Variants in ZBTB46 observed in about 807,000 individuals in gnomAD.
ZBTB46 encodes the protein zinc finger and BTB domain-containing protein 46.
Under a neutral mutation model 44.1 loss-of-function variants are expected in ZBTB46, and 8 were observed. That is an observed-to-expected ratio of 0.18 (90% confidence interval 0.11 to 0.33). The LOEUF is 0.33. Ranked by LOEUF, ZBTB46 falls within the 10% of genes least tolerant of loss-of-function variation. ZBTB46 has a pLI of 1.00. For missense variants in ZBTB46, 651 were observed against 847.7 expected, an observed-to-expected ratio of 0.77 and a Z score of 2.88; for synonymous variants, 409 against 382.3, an observed-to-expected ratio of 1.07 and a Z score of -0.81.
chr20:63,748,895 C>T (rs2092131385), intron 4 of ZBTB46, among the ~76,000 whole-genome samples: 1 of 152,250 alleles, frequency 6.6e-6, no homozygotes, highest in South Asian at 2.1e-4. Flanking sequence ...GAAGACGGTC[C>T]TGCTACACTT....
At chr20:63,762,297 C>T (rs1050789620) in intron 3 of ZBTB46, among the ~76,000 whole-genome samples, 1 of 152,112 alleles carries the variant, frequency 6.6e-6, no homozygotes, top group African/African-American at 2.4e-5. Flanking sequence ...TTTAAAACCC[C>T]CAATTGTAAT....
chr20:63,746,764 CCTGCTTAGCCCGCAGGG>C lies in ZBTB46; in HGVS notation c.*149_*165del. ...GAGCACCCCTCTTGCTGGGGTCGCA[CCTGCTTAGCCCGCAGGG>C]CTGGTTTCCGTGGGGGGTGGGTTCA... On this transcript the variant is annotated 3_prime_UTR_variant, in exon 5 of 5. Coordinates refer to ENST00000245663, the MANE Select transcript of ZBTB46 (RefSeq NM_001369741.1). The C allele has an allele frequency of 8.7e-7, 1 of 1,154,006 alleles. No individual in the cohort carries two copies. Among genetic ancestry groups the C allele is most frequent in the Non-Finnish European group, 1.2e-6 (1 of 862,428 alleles). The allele number at this position is 1,154,006 out of a possible 1,614,324, so 71.5% of individuals were successfully genotyped here.
At chr20:63,797,488 C>T (rs1020403125) in intron 1 of ZBTB46, among the ~76,000 whole-genome samples, 1 of 152,088 alleles carries the variant, frequency 6.6e-6, no homozygotes, top group Non-Finnish European at 1.5e-5. Flanking sequence ...TTTATAGCAA[C>T]ATGATTTATA....
At chr20:63,770,951 C>G (rs867172195) in intron 3 of ZBTB46, among the ~76,000 whole-genome samples, 1 of 80,410 alleles carries the variant, frequency 1.2e-5, no homozygotes, top group Non-Finnish European at 2.6e-5. Context: ...CGCAAGTCAG[C>G]ACCGGCCACG....
chr20:63,817,092 C>T (rs978222387), intron 1 of ZBTB46, among the ~76,000 whole-genome samples: 12 of 148,892 alleles, frequency 8.1e-5, no homozygotes, highest in Non-Finnish European at 1.5e-4. Flanking sequence ...GCAACAAGAG[C>T]GAAACTCAGT....
chr20:63,766,670 G>A (rs1412844691), intron 3 of ZBTB46, among the ~76,000 whole-genome samples: 2 of 152,210 alleles, frequency 1.3e-5, no homozygotes, highest in African/African-American at 2.4e-5. Flanking sequence ...GATGCCAGCA[G>A]AGCGCGGTCA....
chr20:63,775,580 G>T (rs1288720726), intron 3 of ZBTB46, 98 bp downstream of exon 3: 2 of 1,457,524 alleles, frequency 1.4e-6, no homozygotes, highest in South Asian at 1.4e-5. Flanking sequence ...GAGCAGCAGG[G>T]ACAGACCCTC....
chr20:63,755,102 C>A (rs1311794052), intron 3 of ZBTB46, among the ~76,000 whole-genome samples: 2 of 152,240 alleles, frequency 1.3e-5, no homozygotes, highest in South Asian at 2.1e-4. Flanking sequence ...GCGTTAATAA[C>A]CCCGTGAGAA....
At chr20:63,833,223 A>G (rs1382450078), upstream of ZBTB46, among the ~76,000 whole-genome samples, 3 of 152,298 alleles carry the variant, frequency 2.0e-5, no homozygotes, top group Non-Finnish European at 2.9e-5. Context: ...AGGCCTGCCC[A>G]TAAGAACCAA....
At position 63,746,922 on chromosome 20, in the gene ZBTB46, G is replaced by A. The variant is rs199905755; in HGVS notation, c.*8C>T. The A allele has an allele frequency of 3.3e-5, 50 of 1,517,992 alleles. No individual in the cohort carries two copies. The highest frequency in any genetic ancestry group is 3.8e-5 in the South Asian group (3 of 78,886). 94.0% of individuals were successfully genotyped at this position (1,517,992 alleles called of 1,614,324 possible). On this transcript the variant is annotated 3_prime_UTR_variant, in exon 5 of 5. Transcript: ENST00000245663. ...CGAGGCAGCCACCGACCCTGCCGGC[G>A]GGCGGGCCTAGGAGAGCCAGGCGAA...
chr20:63,774,216 A>G (rs2092401506), intron 3 of ZBTB46, among the ~76,000 whole-genome samples: 1 of 152,084 alleles, frequency 6.6e-6, no homozygotes, highest in African/African-American at 2.4e-5. Flanking sequence ...CACTGAGTAC[A>G]CGGAATAAAG....
intron 1 of ZBTB46, among the ~76,000 whole-genome samples, chr20:63,827,903 T>C (rs1568914169): frequency 6.6e-6 from 1 of 152,210 alleles, no homozygotes; most frequent in Non-Finnish European, 1.5e-5. Context: ...GGACAATGTT[T>C]TATTTGTTTA....
At chr20:63,756,418 T>C (rs966777433) in intron 3 of ZBTB46, among the ~76,000 whole-genome samples, 2 of 152,252 alleles carry the variant, frequency 1.3e-5, no homozygotes, top group Non-Finnish European at 2.9e-5. Flanking sequence ...GGTCTGGATA[T>C]AATTTTCAAA....
At chr20:63,768,120 T>C (rs2092336101) in intron 3 of ZBTB46, 2 of 985,378 alleles carry the variant, frequency 2.0e-6, no homozygotes, top group South Asian at 4.7e-5. Context: ...AACAGCCATC[T>C]GGAAAGGAAG....
intron 2 of ZBTB46, 105 bp downstream of exon 2, chr20:63,789,716 C>T: frequency 6.7e-7 from 1 of 1,496,262 alleles, no homozygotes; most frequent in Non-Finnish European, 8.9e-7. Context: ...CCTAGAAAGC[C>T]ACCAGTGTGA....
chr20:63,753,688 A>G (rs1036249946), intron 3 of ZBTB46, among the ~76,000 whole-genome samples: 4 of 152,222 alleles, frequency 2.6e-5, no homozygotes, highest in Admixed American at 1.3e-4. Context: ...TGGGATTACC[A>G]TGTACTTGCT....
chr20:63,805,891 G>A (rs2092678233), intron 1 of ZBTB46, among the ~76,000 whole-genome samples: 1 of 151,904 alleles, frequency 6.6e-6, no homozygotes, highest in Non-Finnish European at 1.5e-5. Flanking sequence ...TCGTGCCTCG[G>A]CCTCCCCAGT....
At chr20:63,815,941 GGTACA>G (rs2092751710) in intron 1 of ZBTB46, among the ~76,000 whole-genome samples, 4 of 145,930 alleles carry the variant, frequency 2.7e-5, no homozygotes, top group African/African-American at 5.2e-5. Flanking sequence ...AGTGGGTGCA[GGTACA>G]GTGGGCACAG....
chr20:63,794,215 C>T (rs2092583673), intron 1 of ZBTB46, among the ~76,000 whole-genome samples: 3 of 151,794 alleles, frequency 2.0e-5, no homozygotes, highest in Admixed American at 2.0e-4. Context: ...AGTTATCTAT[C>T]CACTAAAAGG....
Sources: allele counts gnomAD v4.1 joint callset (sites outside exome capture counted in the v4.1 genomes callset), GRCh38; gene constraint gnomAD v4.1.1; transcripts MANE v1.5; gene names NCBI Gene and HGNC (gene_info 2026-07-23, HGNC 2026-07-21).